Variants in ZCCHC24 observed in about 807,000 individuals in gnomAD.
ZCCHC24 encodes the protein zinc finger CCHC domain-containing protein 24.
Under a neutral mutation model 26.2 loss-of-function variants are expected in ZCCHC24, and 10 were observed. The ratio of observed to expected loss-of-function variants is 0.38; its 90% CI spans 0.24 to 0.65. The LOEUF is 0.65. Among genes scored for constraint, ZCCHC24 ranks in the 30% least tolerant of loss-of-function variants. ZCCHC24 has a pLI of 0.54. For synonymous variants in ZCCHC24, 144 were observed against 147.1 expected, an observed-to-expected ratio of 0.98 and a Z score of 0.15; for missense variants, 243 against 329.1, an observed-to-expected ratio of 0.74 and a Z score of 2.03.
chr10:79,441,574 CT>C (rs1303638209), intron 1 of ZCCHC24, among the ~76,000 whole-genome samples: 1 of 152,074 alleles, frequency 6.6e-6, no homozygotes, highest in African/African-American at 2.4e-5. Flanking sequence ...AAAATGTTCT[CT>C]GCTCAAATAG....
At chr10:79,404,021 C>A (rs767959052) in intron 2 of ZCCHC24, among the ~76,000 whole-genome samples, 2 of 151,544 alleles carry the variant, frequency 1.3e-5, no homozygotes, top group Non-Finnish European at 2.9e-5. Flanking sequence ...AGAGAGCGCC[C>A]GTCAGAGCAG....
intron 2 of ZCCHC24, among the ~76,000 whole-genome samples, chr10:79,429,633 G>A (rs1031825087): frequency 6.6e-6 from 1 of 152,130 alleles, no homozygotes; most frequent in East Asian, 1.9e-4. Flanking sequence ...TCCTTTTCAA[G>A]GTGATGACAA....
chr10:79,419,624 A>T (rs963236087), intron 2 of ZCCHC24, among the ~76,000 whole-genome samples: 1 of 152,184 alleles, frequency 6.6e-6, no homozygotes, highest in Non-Finnish European at 1.5e-5. Context: ...GGTGAGGAAT[A>T]AATGAGTGAG....
chr10:79,386,548 G>T, intron 3 of ZCCHC24, 90 bp from the exon 4 acceptor site: 1 of 940,942 alleles, frequency 1.1e-6, no homozygotes, highest in Non-Finnish European at 1.6e-6. Context: ...CACAGAGACA[G>T]ACAGGTGAGA....
Position 79,429,889 on chromosome 10 carries a change from A to G in ZCCHC24, c.447+2669T>C, listed in dbSNP as rs963759376. Among the ~76,000 whole-genome samples the G allele has an allele frequency of 4.6e-5, 7 of 152,214 alleles. No individual in the cohort carries two copies. In the East Asian group the frequency reaches 1.4e-3, roughly 29 times the overall value. The stretch of plus-strand genomic sequence containing the variant: ...CGTTCCTCCCTTCAGGGAGCCTTGC[A>G]CTGAGCACCGCTGCGTGTGAGGTCC... On this transcript the variant is annotated intron_variant, in intron 2 of 3. Coordinates refer to ENST00000372336, the MANE Select transcript of ZCCHC24 (RefSeq NM_153367.4).
chr10:79,386,542 G>A, intron 3 of ZCCHC24, 84 bp from the exon 4 acceptor site: 2 of 1,109,380 alleles, frequency 1.8e-6, no homozygotes, highest in East Asian at 2.6e-5. Context: ...GAGACACACA[G>A]AGACAGACAG....
intron 1 of ZCCHC24, among the ~76,000 whole-genome samples, chr10:79,434,699 G>A (rs1400777019): frequency 1.3e-5 from 2 of 152,250 alleles, no homozygotes; most frequent in African/African-American, 2.4e-5. Flanking sequence ...ACCTGGAATC[G>A]AGGGCCCGAA....
chr10:79,432,198 G>A (rs545546905), intron 2 of ZCCHC24, among the ~76,000 whole-genome samples: 3 of 152,352 alleles, frequency 2.0e-5, no homozygotes, highest in South Asian at 4.1e-4. Flanking sequence ...GATGAGATGG[G>A]GCCTCCAGGG....
intron 2 of ZCCHC24, among the ~76,000 whole-genome samples, chr10:79,421,610 T>C (rs1054769079): frequency 6.6e-6 from 1 of 152,152 alleles, no homozygotes; most frequent in Non-Finnish European, 1.5e-5. Flanking sequence ...CCTCCCTGTA[T>C]GCATTTTTTA....
chr10:79,438,072 C>T (rs970820582), intron 1 of ZCCHC24, among the ~76,000 whole-genome samples: 28 of 152,140 alleles, frequency 1.8e-4, no homozygotes, highest in African/African-American at 5.6e-4. Flanking sequence ...CTACCAGGCA[C>T]GGCAGAAGCA....
chr10:79,444,301 G>A, intron 1 of ZCCHC24: 1 of 1,386,960 alleles, frequency 7.2e-7, no homozygotes, highest in Non-Finnish European at 9.3e-7. Context: ...ATCTGGGCAG[G>A]CCCTGGAGAC....
At chr10:79,395,881 C>T (rs540709293) in intron 2 of ZCCHC24, among the ~76,000 whole-genome samples, 1 of 152,308 alleles carries the variant, frequency 6.6e-6, no homozygotes, top group African/African-American at 2.4e-5. Context: ...TTAAAGTGGA[C>T]AAATCAATTG....
At position 79,384,770 on chromosome 10, in the gene ZCCHC24, C is replaced by T. The variant is rs554509628; in HGVS notation, c.*1575G>A. 9.8e-5 allele frequency: 15 copies of T among 152,808 alleles called. No homozygotes were observed. The highest frequency in any genetic ancestry group is 3.6e-4 in the African/African-American group (15 of 41,552). 9.5% of individuals were successfully genotyped at this position (152,808 alleles called of 1,614,324 possible). ...AGGCAACTGGACACCAGATGGGCAT[C>T]CTTGAGCCATGGTAAACACTGAATT... On this transcript the variant is annotated 3_prime_UTR_variant, in exon 4 of 4. Transcript: ENST00000372336.
intron 1 of ZCCHC24, chr10:79,444,296 G>A: frequency 7.1e-7 from 1 of 1,404,782 alleles, no homozygotes. Context: ...GTGGTATCTG[G>A]GCAGGCCCTG....
chr10:79,434,178 G>T (rs1857183555), intron 1 of ZCCHC24, among the ~76,000 whole-genome samples: 1 of 152,210 alleles, frequency 6.6e-6, no homozygotes, highest in Admixed American at 6.5e-5. Flanking sequence ...GAAAGACACA[G>T]ACACCACATC....
chr10:79,414,285 T>C (rs1018708205), intron 2 of ZCCHC24, among the ~76,000 whole-genome samples: 1 of 152,258 alleles, frequency 6.6e-6, no homozygotes, highest in African/African-American at 2.4e-5. Context: ...TTTGGGATAA[T>C]GAATGTGTTG....
intron 2 of ZCCHC24, among the ~76,000 whole-genome samples, chr10:79,416,490 G>C (rs1564636663): frequency 6.6e-6 from 1 of 152,142 alleles, no homozygotes; most frequent in Non-Finnish European, 1.5e-5. Context: ...GGGATAAGGT[G>C]GGGAGGAGGG....
rs2132167417 is a variant in ZCCHC24 at position 79,382,971 on chromosome 10, TC to T, written c.*3373del. 6.5e-6 allele frequency: 1 copy of T among 152,692 alleles called. No homozygotes were observed. Among genetic ancestry groups the T allele is most frequent in the Admixed American group, 6.5e-5 (1 of 15,302 alleles). 9.5% of individuals were successfully genotyped at this position (152,692 alleles called of 1,614,324 possible). A position where few individuals can be genotyped will look rare whatever the true frequency, so the allele number is the denominator to read the frequency against. On this transcript the variant is annotated 3_prime_UTR_variant, in exon 4 of 4. Transcript: ENST00000372336. ...CTGGTTAGTCAAATAAGCTGCTTCT[TC>T]CCCTTGCCCACTCCCTGTCCCTCTA...
chr10:79,408,377 T>C (rs936290749), intron 2 of ZCCHC24, among the ~76,000 whole-genome samples: 1 of 152,184 alleles, frequency 6.6e-6, no homozygotes, highest in Admixed American at 6.5e-5. Flanking sequence ...ACCAGCTTGA[T>C]GCCTGGATCC....
Sources: allele counts gnomAD v4.1 joint callset (sites outside exome capture counted in the v4.1 genomes callset), GRCh38; gene constraint gnomAD v4.1.1; transcripts MANE v1.5; gene names NCBI Gene and HGNC (gene_info 2026-07-23, HGNC 2026-07-21).